Variants in NR2F1-AS1 observed in about 807,000 individuals in gnomAD.
The protein encoded by NR2F1-AS1 is NR2F1 regulatory antisense RNA 1, also known as NR2F1 antisense RNA 1.
At chr5:93,457,229 G>A (rs1215262682) in intron 4 of NR2F1-AS1, among the ~76,000 whole-genome samples, 3 of 152,160 alleles carry the variant, frequency 2.0e-5, no homozygotes, top group Admixed American at 6.5e-5. Context: ...TACCACATGG[G>A]GAGAAACCTT....
chr5:93,545,672 T>C (rs1207308060), intron 4 of NR2F1-AS1, among the ~76,000 whole-genome samples: 6 of 152,364 alleles, frequency 3.9e-5, no homozygotes, highest in Non-Finnish European at 8.8e-5. Context: ...TAAACATTAG[T>C]CATTTTTTGG....
intron 4 of NR2F1-AS1, among the ~76,000 whole-genome samples, chr5:93,552,671 CA>C (rs774291890): frequency 0.04 from 2,456 of 61,614 alleles, 47 homozygotes; most frequent in African/African-American, 0.12. Context: ...ATAACAATTA[CA>C]AAAAAAAAAA....
In NR2F1-AS1 at chr5:93,564,173, T is replaced by C. The variant is rs72786625; in HGVS notation, n.314-710A>G. 1.5e-3 allele frequency among the ~76,000 whole-genome samples: 177 copies of C among 121,884 alleles called. 2 individuals carry two copies. Among genetic ancestry groups the C allele is most frequent in the Non-Finnish European group, 1.6e-3 (98 of 61,002 alleles). 80.0% of individuals were successfully genotyped at this position (121,884 alleles called of 152,430 possible). A position where few individuals can be genotyped will look rare whatever the true frequency, so the allele number is the denominator to read the frequency against. On this transcript the variant is annotated intron_variant and non_coding_transcript_variant, in intron 1 of 5. Coordinates refer to ENST00000660523, the Ensembl canonical transcript of NR2F1-AS1. ...AAACACACAACTACCTGGAGAATAC[T>C]TACAGCACAGACAAAGCTACTATTA...
At chr5:93,483,662 G>A (rs549351143) in intron 4 of NR2F1-AS1, among the ~76,000 whole-genome samples, 2 of 152,252 alleles carry the variant, frequency 1.3e-5, no homozygotes, top group African/African-American at 4.8e-5. Context: ...TGAGCTAAAG[G>A]AGCCTGCTCT....
chr5:93,427,891 C>G (rs1334523754), intron 4 of NR2F1-AS1, among the ~76,000 whole-genome samples: 1 of 150,908 alleles, frequency 6.6e-6, no homozygotes, highest in Admixed American at 6.6e-5. Context: ...ATTATGAGAG[C>G]ATACATGTGT....
intron 1 of NR2F1-AS1, chr5:93,570,501 C>T (rs1454046336): frequency 6.6e-6 from 1 of 152,292 alleles, no homozygotes; most frequent in African/African-American, 2.4e-5. Context: ...CACTCACACT[C>T]CCTGGGGACC....
rs144593412 is a variant in NR2F1-AS1 at position 93,503,605 on chromosome 5, G to A, written n.638+50156C>T. 2.6e-3 allele frequency among the ~76,000 whole-genome samples: 390 copies of A among 152,226 alleles called. 2 individuals are homozygous for A. The highest frequency in any genetic ancestry group is 6.8e-3 in the Middle Eastern group (2 of 294). ...TGTGCCTAAACAGTTTGTACAACGT[G>A]GTTTAAACTAAACACCTCCTCTCTT... On this transcript the variant is annotated intron_variant and non_coding_transcript_variant, in intron 4 of 5. Transcript: ENST00000660523.
intron 4 of NR2F1-AS1, among the ~76,000 whole-genome samples, chr5:93,417,713 A>G (rs537579986): frequency 1.3e-5 from 2 of 152,222 alleles, no homozygotes; most frequent in Non-Finnish European, 2.9e-5. Flanking sequence ...GAACATGTTC[A>G]TCTTCGCTAC....
intron 4 of NR2F1-AS1, among the ~76,000 whole-genome samples, chr5:93,530,108 T>C (rs1751704858): frequency 7.8e-6 from 1 of 127,938 alleles, no homozygotes; most frequent in Non-Finnish European, 1.6e-5. Flanking sequence ...TGAGACGGAG[T>C]CTTGCTCTAT....
In NR2F1-AS1 at chr5:93,514,049, A is replaced by AT. The variant is rs572737885; in HGVS notation, n.638+39711dup. 2.0e-4 allele frequency among the ~76,000 whole-genome samples: 30 copies of AT among 152,196 alleles called. No homozygotes were observed. In the South Asian group the frequency reaches 2.7e-3, roughly 14 times the overall value. On this transcript the variant is annotated intron_variant and non_coding_transcript_variant, in intron 4 of 5. Transcript: ENST00000660523. The stretch of plus-strand genomic sequence containing the variant: ...CATAAACCAGGATTTGATAGATAGG[A>AT]TTACAGTGTAGTTCAGTATATAATT...
intron 4 of NR2F1-AS1, among the ~76,000 whole-genome samples, chr5:93,468,410 G>C (rs559046592): frequency 7.9e-5 from 12 of 152,310 alleles, no homozygotes; most frequent in Admixed American, 5.2e-4. Flanking sequence ...GTGATCATGA[G>C]CATTTTTTGA....
intron 4 of NR2F1-AS1, among the ~76,000 whole-genome samples, chr5:93,436,237 A>G (rs1561435462): frequency 1.3e-5 from 2 of 152,214 alleles, no homozygotes. Context: ...ACAGATAATA[A>G]TCAACATCAA....
chr5:93,418,622 A>AATAAATAAATAAATAC (rs1398755997), intron 4 of NR2F1-AS1, among the ~76,000 whole-genome samples: 2 of 150,202 alleles, frequency 1.3e-5, no homozygotes, highest in African/African-American at 4.9e-5. Flanking sequence ...TAAATAAATA[A>AATAAATAAATAAATAC]AAACCTCCCT....
chr5:93,493,513 G>A (rs1250429405), intron 4 of NR2F1-AS1, among the ~76,000 whole-genome samples: 1 of 151,894 alleles, frequency 6.6e-6, no homozygotes, highest in Non-Finnish European at 1.5e-5. Flanking sequence ...AATTCATATG[G>A]AACTGTACAG....
At chr5:93,432,967 C>T (rs1450239515) in intron 4 of NR2F1-AS1, among the ~76,000 whole-genome samples, 1 of 152,208 alleles carries the variant, frequency 6.6e-6, no homozygotes, top group African/African-American at 2.4e-5. Flanking sequence ...AGGTTTTATA[C>T]ATGCTATCAC....
intron 4 of NR2F1-AS1, among the ~76,000 whole-genome samples, chr5:93,529,387 T>C (rs1751687504): frequency 6.6e-6 from 1 of 152,176 alleles, no homozygotes; most frequent in Non-Finnish European, 1.5e-5. Flanking sequence ...ACCACTGTCT[T>C]AGTAACGCTT....
chr5:93,411,341 T>C (rs1348176919), intron 4 of NR2F1-AS1: 1 of 152,270 alleles, frequency 6.6e-6, no homozygotes, highest in African/African-American at 2.4e-5. Flanking sequence ...CTGCTGAACC[T>C]TGCATAACTG....
chr5:93,560,615 C>T (rs942482719), intron 2 of NR2F1-AS1, among the ~76,000 whole-genome samples: 3 of 152,164 alleles, frequency 2.0e-5, no homozygotes, highest in Non-Finnish European at 4.4e-5. Context: ...ATCCACTGAA[C>T]CTTCTACCAG....
intron 4 of NR2F1-AS1, among the ~76,000 whole-genome samples, chr5:93,496,472 C>T (rs1750962698): frequency 6.6e-6 from 1 of 152,194 alleles, no homozygotes; most frequent in African/African-American, 2.4e-5. Context: ...TCAGGGACTT[C>T]TGTCATAATT....
Sources: allele counts gnomAD v4.1 joint callset (sites outside exome capture counted in the v4.1 genomes callset), GRCh38; gene constraint gnomAD v4.1.1; transcripts MANE v1.5; gene names NCBI Gene and HGNC (gene_info 2026-07-23, HGNC 2026-07-21).